The following EXTL3 variants were observed in gnomAD, a reference collection of about 807,000 sequenced individuals.
The protein encoded by EXTL3 is exostosin like glycosyltransferase 3, also known as exostosin-like 3.
Under a neutral mutation model 69.3 loss-of-function variants are expected in EXTL3, and 27 were observed. That is an observed-to-expected ratio of 0.39 (90% CI 0.29 to 0.54). EXTL3 has a LOEUF of 0.54. Ranked by LOEUF, EXTL3 falls within the 20% of genes least tolerant of loss-of-function variation. The pLI, the probability that EXTL3 is intolerant of heterozygous loss-of-function variation, is 0.69. For synonymous variants in EXTL3, 511 were observed against 499.4 expected (o/e 1.02, Z -0.31); for missense variants, 1,003 against 1,231.8 (o/e 0.81, Z 2.78).
At position 28,652,504 on chromosome 8, in the gene EXTL3, A is replaced by T. The variant is rs559601311; in HGVS notation, c.-53+29694A>T. On this transcript the variant is annotated intron_variant, in intron 1 of 6. Transcript: ENST00000523149. ...AGGCCCCATAGCTACAAAAAAAAAAATTATCTGGCTGTGGTGGTGCATGCC... is the reference window on the plus strand; with the variant it reads ...AGGCCCCATAGCTACAAAAAAAAAATTTATCTGGCTGTGGTGGTGCATGCC... 2.0e-5 allele frequency among the ~76,000 whole-genome samples: 3 copies of T among 151,906 alleles called. No individual in the cohort carries two copies. The East Asian group carries it at 5.8e-4, about 29-fold the overall frequency.
chr8:28,655,714 GA>G (rs1205678852), intron 1 of EXTL3, among the ~76,000 whole-genome samples: 1 of 152,002 alleles, frequency 6.6e-6, no homozygotes, highest in African/African-American at 2.4e-5. Flanking sequence ...GGCTTGTCTT[GA>G]ACTCTTGGGC....
At position 28,753,390 on chromosome 8, in the gene EXTL3, G is replaced by T. The variant is rs1302296763; in HGVS notation, c.*2524G>T. ...TGGCCGGCTTGCTGCTCCGGTTTGG[G>T]CTGTCTTACCATAACACCGTCCCAG... On this transcript the variant is annotated 3_prime_UTR_variant, in exon 7 of 7. Coordinates refer to ENST00000220562, the MANE Select transcript of EXTL3 (RefSeq NM_001440.4). The T allele has an allele frequency of 6.6e-6, 1 of 152,670 alleles. No homozygotes were observed. The highest frequency in any genetic ancestry group is 1.9e-4 in the East Asian group (1 of 5,162). 9.5% of individuals were successfully genotyped at this position (152,670 alleles called of 1,614,324 possible).
chr8:28,631,189 G>A (rs1222193896), intron 1 of EXTL3, among the ~76,000 whole-genome samples: 2 of 150,518 alleles, frequency 1.3e-5, no homozygotes, highest in Non-Finnish European at 3.0e-5. Flanking sequence ...TTATCACGTG[G>A]CCTCCCTTGA....
intron 3 of EXTL3, among the ~76,000 whole-genome samples, chr8:28,719,600 G>A (rs561653872): frequency 6.6e-6 from 1 of 152,176 alleles, no homozygotes; most frequent in Admixed American, 6.5e-5. Flanking sequence ...AGACTGTAGG[G>A]TTATAAATCC....
Position 28,754,969 on chromosome 8 carries a change from C to T in EXTL3, c.*4103C>T, listed in dbSNP as rs913977859. The T allele has an allele frequency of 3.3e-5, 5 of 152,098 alleles. No individual in the cohort carries two copies. Among genetic ancestry groups the T allele is most frequent in the African/African-American group, 1.2e-4 (5 of 41,398 alleles). 9.4% of individuals were successfully genotyped at this position (152,098 alleles called of 1,614,324 possible). ...GAATGTAGTGGGTAAAGGTCTGGGCCCTGGAACAGACTGGGTGCAGATCTT... is the reference window on the plus strand; with the variant it reads ...GAATGTAGTGGGTAAAGGTCTGGGCTCTGGAACAGACTGGGTGCAGATCTT... On this transcript the variant is annotated 3_prime_UTR_variant, in exon 7 of 7. Coordinates refer to ENST00000220562, the MANE Select transcript of EXTL3 (RefSeq NM_001440.4).
At chr8:28,741,369 T>C (rs992731778) in intron 5 of EXTL3, 1 of 152,234 alleles carries the variant, frequency 6.6e-6, no homozygotes, top group African/African-American at 2.4e-5. Context: ...CTCATCAGCA[T>C]ACGAAGGACA....
intron 1 of EXTL3, among the ~76,000 whole-genome samples, chr8:28,664,462 C>T (rs75927639): frequency 1.5e-3 from 233 of 152,210 alleles, no homozygotes; most frequent in African/African-American, 5.3e-3. Flanking sequence ...GGCTCACAGA[C>T]GTGAGCCACT....
intron 1 of EXTL3, among the ~76,000 whole-genome samples, chr8:28,689,831 G>C (rs570242187): frequency 6.6e-6 from 1 of 152,300 alleles, no homozygotes; most frequent in South Asian, 2.1e-4. Context: ...AAACTTGCAG[G>C]ATTGAGTCCC....
rs143652582 is a variant in EXTL3 at position 28,717,934 on chromosome 8, A to G, written c.1875A>G (p.Ser625=). 5.4e-4 allele frequency: 874 copies of G among 1,614,180 alleles called. 5 individuals are homozygous for G. In the African/African-American group the frequency reaches 9.9e-3, roughly 18 times the overall value. ...PHTPFDPVLP[S]EAKFLGSGTG... ...CTCCCTTTGACCCTGTGTTGCCCTC[A>G]GAGGCCAAATTCTTGGGCTCAGGGA... The change falls in exon 3 of 7, where the codon TCA becomes TCG. Residue 625 remains serine (S), a synonymous_variant. Transcript: ENST00000220562. This position sits in a 1 kb window ranked among gnomAD's most constrained non-coding sequence, Gnocchi z 8.3.
At chr8:28,660,506 A>G (rs753227228) in intron 1 of EXTL3, among the ~76,000 whole-genome samples, 13 of 152,216 alleles carry the variant, frequency 8.5e-5, no homozygotes, top group Non-Finnish European at 1.5e-4. Context: ...ACATATATAT[A>G]TACACATACA....
chr8:28,713,494 G>A lies in EXTL3; in HGVS notation c.-532G>A, dbSNP rs564416081. 3.0e-5 allele frequency: 21 copies of A among 700,774 alleles called. No homozygotes were observed. The highest frequency in any genetic ancestry group is 1.2e-4 in the Admixed American group (6 of 49,808). 43.4% of individuals were successfully genotyped at this position (700,774 alleles called of 1,614,324 possible). A position where few individuals can be genotyped will look rare whatever the true frequency, so the allele number is the denominator to read the frequency against. ...TGGAGGTTCACTCTTTCAAGAAGTCGTGTGCTGAGGTGTAATGCTACACAA... is the reference window on the plus strand; with the variant it reads ...TGGAGGTTCACTCTTTCAAGAAGTCATGTGCTGAGGTGTAATGCTACACAA... On this transcript the variant is annotated 5_prime_UTR_variant, in exon 2 of 7. In the 5' UTR this introduces an upstream ATG that the reference lacks. Coordinates refer to ENST00000220562, the MANE Select transcript of EXTL3 (RefSeq NM_001440.4).
chr8:28,680,100 G>A (rs1310874628), intron 1 of EXTL3, among the ~76,000 whole-genome samples: 1 of 151,030 alleles, frequency 6.6e-6, no homozygotes, highest in African/African-American at 2.4e-5. Context: ...TAAAAAAGAA[G>A]GAATTCCTCA....
chr8:28,703,821 C>T (rs1188082313), intron 1 of EXTL3, among the ~76,000 whole-genome samples: 3 of 152,204 alleles, frequency 2.0e-5, no homozygotes, highest in Non-Finnish European at 4.4e-5. Context: ...GCTCAGAAAA[C>T]TTCTATTAAC....
At chr8:28,664,330 C>G (rs1395508311) in intron 1 of EXTL3, among the ~76,000 whole-genome samples, 1 of 152,218 alleles carries the variant, frequency 6.6e-6, no homozygotes, top group Non-Finnish European at 1.5e-5. Flanking sequence ...ATGTGGCCTT[C>G]CCTTGGTGAG....
At position 28,737,538 on chromosome 8, in the gene EXTL3, G is replaced by A. The variant is rs1431378602; in HGVS notation, c.2296G>A (p.Asp766Asn). Residue 766 changes from aspartate to asparagine, a missense_variant, in exon 5 of 7, where the codon GAC becomes AAC. Physicochemically the swap from Asp to Asn is conservative, Grantham distance 23. Coordinates refer to ENST00000220562, the MANE Select transcript of EXTL3 (RefSeq NM_001440.4). The part of the protein sequence containing the change: ...FGFRVWREAR[D>N]RIVGFPGRYH... ...TTCAAGGGTGTGGAGAGAAGCTCGG[G>A]ACCGCATCGTGGGCTTCCCTGGCCG... 3.1e-6 allele frequency: 5 copies of A among 1,614,014 alleles called. No homozygotes were observed. The highest frequency in any genetic ancestry group is 1.7e-5 in the Admixed American group (1 of 60,024).
rs1004046801 is a variant in EXTL3, at chr8:28,672,915, G to T, written c.-52-40542G>T. On this transcript the variant is annotated intron_variant, in intron 1 of 6. Transcript: ENST00000523149. ...TTGAATCGGGGGGTGGGTCTTCCCT[G>T]TGCAGTTCTTGAGATAGAGAGATCT... 3.9e-5 allele frequency among the ~76,000 whole-genome samples: 6 copies of T among 152,152 alleles called. No individual in the cohort carries two copies. In the East Asian group the frequency reaches 5.8e-4, roughly 15 times the overall value.
intron 1 of EXTL3, among the ~76,000 whole-genome samples, chr8:28,639,828 C>T (rs932639594): frequency 5.3e-5 from 8 of 152,230 alleles, no homozygotes; most frequent in South Asian, 2.1e-4. Context: ...CACCCATGGG[C>T]GCAGTGGCTC....
At chr8:28,727,034 A>G (rs1048307128) in intron 3 of EXTL3, among the ~76,000 whole-genome samples, 2 of 151,552 alleles carry the variant, frequency 1.3e-5, no homozygotes, top group African/African-American at 2.4e-5. Flanking sequence ...GCCCTCCCCC[A>G]TGCCTGGCTA....
At chr8:28,632,105 A>G (rs1483212100) in intron 1 of EXTL3, among the ~76,000 whole-genome samples, 1 of 117,508 alleles carries the variant, frequency 8.5e-6, no homozygotes, top group East Asian at 2.1e-4. Flanking sequence ...ACCACCCACC[A>G]AAAAAAAAAA....
Sources: gnomAD v4.1 joint callset for allele counts (sites outside exome capture counted in the v4.1 genomes callset) on GRCh38, gnomAD v4.1.1 for gene constraint, Gnocchi (gnomAD v3.1) non-coding constraint, MANE v1.5 for transcripts, NCBI Gene and HGNC (gene_info 2026-07-23, HGNC 2026-07-21) for gene names.